Variants in WFDC1 observed in about 807,000 individuals in gnomAD.
The protein encoded by WFDC1 is WAP four-disulfide core domain protein 1.
Under a neutral mutation model 32.9 loss-of-function variants are expected in WFDC1, and 39 were observed. The ratio of observed to expected loss-of-function variants is 1.19; its 90% CI spans 0.92 to 1.55. The LOEUF (loss-of-function observed/expected upper bound fraction) is 1.55. Among genes scored for constraint, WFDC1 ranks in the 40% most tolerant of loss-of-function variants. The pLI is 0.00. For missense variants in WFDC1, 386 were observed against 309.5 expected, an observed-to-expected ratio of 1.25 and a Z score of -1.85; for synonymous variants, 184 against 137.4, an observed-to-expected ratio of 1.34 and a Z score of -2.37.
At chr16:84,322,145 C>CTGTGTGTGCGTGTGTGTG (rs1908334804) in intron 4 of WFDC1, among the ~76,000 whole-genome samples, 2 of 109,336 alleles carry the variant, frequency 1.8e-5, no homozygotes, top group South Asian at 5.5e-4. Flanking sequence ...GCCTCAGAGC[C>CTGTGTGTGCGTGTGTGTG]TGTGTGTGTG....
At chr16:84,320,266 C>T (rs568655638) in intron 4 of WFDC1, among the ~76,000 whole-genome samples, 4 of 152,306 alleles carry the variant, frequency 2.6e-5, no homozygotes, top group East Asian at 3.9e-4. Flanking sequence ...GTATGGTGTT[C>T]AGTAGGTTAA....
At chr16:84,326,849 A>G in intron 5 of WFDC1, 33 bp from the exon 6 acceptor site, 1 of 1,613,922 alleles carries the variant, frequency 6.2e-7, no homozygotes, top group Non-Finnish European at 8.5e-7. Flanking sequence ...GAATAGATAC[A>G]TCTACCCCAA....
At chr16:84,318,400 C>A (rs1355617641) in intron 3 of WFDC1, 45 bp downstream of exon 3, 2 of 1,589,908 alleles carry the variant, frequency 1.3e-6, no homozygotes, top group African/African-American at 1.3e-5. Flanking sequence ...AGCCTCGATC[C>A]CTCCTTCTCA....
At chr16:84,301,906 A>C (rs1906959575) in intron 1 of WFDC1, among the ~76,000 whole-genome samples, 3 of 152,194 alleles carry the variant, frequency 2.0e-5, no homozygotes, top group African/African-American at 7.2e-5. Context: ...CTGTGTGGTT[A>C]TCACTCGGGA....
chr16:84,327,278 A>C, intron 6 of WFDC1: 4 of 280,568 alleles, frequency 1.4e-5, no homozygotes, highest in East Asian at 7.4e-5. Context: ...GCAGCCTCAG[A>C]CTCCTAGGCT....
chr16:84,309,103 C>T (rs922831271), intron 1 of WFDC1, among the ~76,000 whole-genome samples: 11 of 152,316 alleles, frequency 7.2e-5, no homozygotes, highest in East Asian at 3.9e-4. Context: ...TCTGGTTGCC[C>T]GTCTGCTCTG....
At chr16:84,325,513 ATCTG>A (rs1908539382) in intron 5 of WFDC1, among the ~76,000 whole-genome samples, 1 of 151,404 alleles carries the variant, frequency 6.6e-6, no homozygotes, top group Non-Finnish European at 1.5e-5. Context: ...CCATCCACCC[ATCTG>A]TCTATCCATT....
chr16:84,312,929 C>T (rs1304833863), intron 1 of WFDC1, 32 bp from the exon 2 acceptor site: 53 of 1,146,022 alleles, frequency 4.6e-5, no homozygotes, highest in Non-Finnish European at 5.6e-5. Context: ...AACGCGCGCC[C>T]CAGAGCTGCT....
chr16:84,314,079 G>A (rs187104414), intron 2 of WFDC1, among the ~76,000 whole-genome samples: 8 of 152,114 alleles, frequency 5.3e-5, no homozygotes, highest in South Asian at 4.2e-4. Context: ...AAAAGACAAC[G>A]TGCAGCTCAC....
At chr16:84,313,226 G>A in intron 2 of WFDC1, 73 bp downstream of exon 2, 3 of 1,305,258 alleles carry the variant, frequency 2.3e-6, no homozygotes, top group South Asian at 4.0e-5. Flanking sequence ...GGGAGGGGAA[G>A]AAAGGAGCTG....
intron 1 of WFDC1, among the ~76,000 whole-genome samples, chr16:84,309,758 T>C (rs1284350274): frequency 6.6e-6 from 1 of 152,080 alleles, no homozygotes; most frequent in Admixed American, 6.6e-5. Flanking sequence ...CTGGCAATCA[T>C]GGTCACTCCT....
intron 6 of WFDC1, chr16:84,327,901 C>G (rs368437520): frequency 1.3e-5 from 2 of 152,286 alleles, no homozygotes; most frequent in African/African-American, 4.8e-5. Context: ...CCGCTGCCCT[C>G]AGGGAGGCCA....
At chr16:84,302,491 C>G (rs571710759) in intron 1 of WFDC1, among the ~76,000 whole-genome samples, 3 of 152,186 alleles carry the variant, frequency 2.0e-5, no homozygotes, top group Non-Finnish European at 4.4e-5. Flanking sequence ...GAGAGGCAGC[C>G]TCTCAGCAAG....
At chr16:84,302,690 C>T (rs757081644) in intron 1 of WFDC1, among the ~76,000 whole-genome samples, 17 of 152,172 alleles carry the variant, frequency 1.1e-4, no homozygotes, top group Non-Finnish European at 2.5e-4. Flanking sequence ...TCTCTAACTG[C>T]TTTTGCAGAT....
intron 1 of WFDC1, among the ~76,000 whole-genome samples, chr16:84,297,245 CTGAATTG>C (rs1906650583): frequency 6.6e-6 from 1 of 152,154 alleles, no homozygotes; most frequent in African/African-American, 2.4e-5. Context: ...TGGCTCCTCG[CTGAATTG>C]AAACTTTCCC....
At chr16:84,326,795 T>G (rs977013812) in intron 5 of WFDC1, 87 bp from the exon 6 acceptor site, 2 of 1,537,528 alleles carry the variant, frequency 1.3e-6, no homozygotes, top group African/African-American at 2.7e-5. Flanking sequence ...GTCACCAGGC[T>G]TCATTTGGCA....
At chr16:84,306,740 A>C (rs557976909) in intron 1 of WFDC1, among the ~76,000 whole-genome samples, 2 of 149,642 alleles carry the variant, frequency 1.3e-5, no homozygotes, top group African/African-American at 5.0e-5. Flanking sequence ...GCAAACTGCC[A>C]GGGTGTGTTG....
chr16:84,326,890 T>TTCTTTTCA lies in WFDC1; in HGVS notation c.613_614insTCTTTTCA (p.Ser205PhefsTer26). 6.2e-7 allele frequency: 1 copy of TTCTTTTCA among 1,613,994 alleles called. No individual in the cohort carries two copies. On this transcript the variant is annotated frameshift_variant, in exon 6 of 7. Transcript: ENST00000219454. LOFTEE classifies it high-confidence loss of function. The stretch of plus-strand genomic sequence containing the variant: ...CTGTGTTCTTTTCACAGAAGGTGAC[T>TTCTTTTCA]CAAAGAATGTGGCAGAACCTGGAAG...
intron 2 of WFDC1, chr16:84,317,446 AG>A: frequency 6.6e-6 from 1 of 152,348 alleles, no homozygotes; most frequent in African/African-American, 2.4e-5. Flanking sequence ...TGATTCATCC[AG>A]GCAGGAGGCA....
Sources: gnomAD v4.1 joint callset for allele counts (sites outside exome capture counted in the v4.1 genomes callset) on GRCh38, gnomAD v4.1.1 for gene constraint, MANE v1.5 for transcripts, NCBI Gene and HGNC (gene_info 2026-07-23, HGNC 2026-07-21) for gene names.